Variants in TGFB3 observed in about 807,000 individuals in gnomAD.
The protein encoded by TGFB3 is transforming growth factor beta-3 proprotein.
A neutral mutation model predicts 40.1 loss-of-function variants in TGFB3; 5 were observed. That is an observed-to-expected ratio of 0.12 (90% CI 0.07 to 0.26). TGFB3 has a LOEUF of 0.26. Ranked by LOEUF, TGFB3 falls within the 10% of genes least tolerant of loss-of-function variation. The pLI is 1.00. For synonymous variants in TGFB3, 184 were observed against 205.6 expected (o/e 0.89, Z 0.90); for missense variants, 373 against 530.1 (o/e 0.70, Z 2.91).
chr14:75,963,186 TTC>T, intron 5 of TGFB3, 128 bp downstream of exon 5: 1 of 1,049,110 alleles, frequency 9.5e-7, no homozygotes, highest in Non-Finnish European at 1.5e-6. Flanking sequence ...ATTTTCAGTC[TTC>T]TTCCTGGAGA....
In TGFB3 at chr14:75,977,377, G is replaced by A. The variant is rs11466418; in HGVS notation, c.352+3165C>T. ...TCAGAGAAACTCTCTACTCCCTCCC[G>A]ACAGTAAAATCCTGGAGAATTAGAA... On this transcript the variant is annotated intron_variant, in intron 1 of 6. Coordinates refer to ENST00000238682, the MANE Select transcript of TGFB3 (RefSeq NM_003239.5). 1.2e-3 allele frequency among the ~76,000 whole-genome samples: 179 copies of A among 152,210 alleles called. No homozygotes were observed. In the Middle Eastern group the frequency reaches 0.024, roughly 20 times the overall value.
chr14:75,980,926 C>T lies in TGFB3; in HGVS notation c.-33G>A. 1 of 1,603,926 alleles carries T rather than the reference C, an allele frequency of 6.2e-7. No individual in the cohort carries two copies. The highest frequency in any genetic ancestry group is 8.5e-7 in the Non-Finnish European group (1 of 1,171,918). ...CTGGGAAGAGAGGCCAGGGGGACGG[C>T]AAGGCCTGGAGAGGAAGAGACCCCA... On this transcript the variant is annotated 5_prime_UTR_variant, in exon 1 of 7. Coordinates refer to ENST00000238682, the MANE Select transcript of TGFB3 (RefSeq NM_003239.5). The surrounding 1 kb of genome is among the most constrained non-coding windows in gnomAD (Gnocchi z 4.3).
intron 5 of TGFB3, among the ~76,000 whole-genome samples, chr14:75,961,362 C>G (rs1566678669): frequency 6.6e-6 from 1 of 152,198 alleles, no homozygotes; most frequent in Non-Finnish European, 1.5e-5. Context: ...CAAAGCAGTG[C>G]TATGAAGCGC....
chr14:75,964,011 G>C (rs894469338), intron 4 of TGFB3, among the ~76,000 whole-genome samples: 1 of 152,106 alleles, frequency 6.6e-6, no homozygotes, highest in East Asian at 1.9e-4. Flanking sequence ...CAAGTAGCTG[G>C]GATTACAGGT....
intron 3 of TGFB3, among the ~76,000 whole-genome samples, chr14:75,967,676 G>A (rs1381800644): frequency 6.6e-6 from 1 of 152,182 alleles, no homozygotes; most frequent in Non-Finnish European, 1.5e-5. Context: ...TAGAGATGAT[G>A]ACAACAATCA....
At chr14:75,959,379 GC>G in intron 6 of TGFB3, 34 bp from the exon 7 acceptor site, 1 of 1,613,014 alleles carries the variant, frequency 6.2e-7, no homozygotes, top group South Asian at 1.1e-5. Context: ...AGGTTGGAAG[GC>G]CAAGTCTCAG....
chr14:75,965,364 A>G (rs1247655541), intron 4 of TGFB3, among the ~76,000 whole-genome samples: 2 of 152,270 alleles, frequency 1.3e-5, no homozygotes, highest in Non-Finnish European at 2.9e-5. Context: ...ACTTACCAGT[A>G]CGTGTTGTCT....
At chr14:75,959,804 G>A (rs1439047391) in intron 6 of TGFB3, among the ~76,000 whole-genome samples, 2 of 151,816 alleles carry the variant, frequency 1.3e-5, no homozygotes, top group African/African-American at 2.4e-5. Flanking sequence ...TTGGAACCTG[G>A]TTTGGGTGAG....
upstream of TGFB3, among the ~76,000 whole-genome samples, chr14:75,982,151 C>T (rs1383089905): frequency 6.6e-6 from 1 of 152,238 alleles, no homozygotes; most frequent in East Asian, 1.9e-4. This position sits in a 1 kb window ranked among gnomAD's most constrained non-coding sequence, Gnocchi z 4.0. Flanking sequence ...TTGAAAAATA[C>T]TTTGCGAGTC....
At position 75,971,657 on chromosome 14, in the gene TGFB3, T is replaced by C. The variant is rs751426970; in HGVS notation, c.414A>G (p.Ser138=). The change falls in exon 2 of 7, where the codon TCA becomes TCG. Residue 138 remains serine (S), a synonymous_variant. Transcript: ENST00000238682. This position sits in a 1 kb window ranked among gnomAD's most constrained non-coding sequence, Gnocchi z 4.5. ...ATAGGTTGGTTCTATTTTTCTCCAC[T>C]GAGGACACATTGAAGCGGAAAACCT... The part of the protein sequence containing the change: ...TSKVFRFNVS[S]VEKNRTNLFR... 4 of 1,614,234 alleles carry C rather than the reference T, an allele frequency of 2.5e-6. No individual in the cohort carries two copies. The South Asian group carries it at 4.4e-5, about 18-fold the overall frequency.
intron 1 of TGFB3, among the ~76,000 whole-genome samples, chr14:75,972,467 C>T (rs906041412): frequency 6.6e-6 from 1 of 152,092 alleles, no homozygotes; most frequent in African/African-American, 2.4e-5. Flanking sequence ...TGCAGGAGCA[C>T]AGGTGAGGGG....
In TGFB3 at chr14:75,958,704, TA is replaced by T. The variant is rs199646113; in HGVS notation, c.*482del. On this transcript the variant is annotated 3_prime_UTR_variant, in exon 7 of 7. Transcript: ENST00000238682. ...GGACTTTGTCTTCGTAACCTGTCTT[TA>T]AAAAAAAAAAAAAAATGCTTGCCTT... 0.071 allele frequency: 12,307 copies of T among 173,256 alleles called. 7 individuals carry two copies. The highest frequency in any genetic ancestry group is 0.14 in the South Asian group (1,130 of 7,846). 10.7% of individuals were successfully genotyped at this position (173,256 alleles called of 1,614,324 possible). A position where few individuals can be genotyped will look rare whatever the true frequency, so the allele number is the denominator to read the frequency against.
Position 75,981,138 on chromosome 14 carries a change from C to G in TGFB3, c.-245G>C. 1.8e-6 allele frequency: 1 copy of G among 545,042 alleles called. No homozygotes were observed. Among genetic ancestry groups the G allele is most frequent in the East Asian group, 3.3e-5 (1 of 30,690 alleles). The allele number at this position is 545,042 out of a possible 1,614,324, so 33.8% of individuals were successfully genotyped here. A position where few individuals can be genotyped will look rare whatever the true frequency, so the allele number is the denominator to read the frequency against. On this transcript the variant is annotated 5_prime_UTR_variant, in exon 1 of 7. Coordinates refer to ENST00000238682, the MANE Select transcript of TGFB3 (RefSeq NM_003239.5). This position sits in a 1 kb window ranked among gnomAD's most constrained non-coding sequence, Gnocchi z 4.7. ...AGCGCTGGGATTCTTGTCCATGTGT[C>G]TAAACAGGTTTTGCTGGGCTCTGAC... is the stretch of plus-strand genomic sequence containing the variant.
At chr14:75,961,407 A>C (rs1427711967) in intron 5 of TGFB3, among the ~76,000 whole-genome samples, 1 of 152,224 alleles carries the variant, frequency 6.6e-6, no homozygotes, top group Non-Finnish European at 1.5e-5. Flanking sequence ...GTTATTAGCC[A>C]ACTCAGCTTT....
At chr14:75,975,177 G>T (rs1450620527) in intron 1 of TGFB3, among the ~76,000 whole-genome samples, 3 of 151,976 alleles carry the variant, frequency 2.0e-5, no homozygotes, top group Non-Finnish European at 4.4e-5. Context: ...AGACCAGCCT[G>T]GCCAACATGG....
chr14:75,972,097 T>A (rs970152162), intron 1 of TGFB3, among the ~76,000 whole-genome samples: 3 of 152,262 alleles, frequency 2.0e-5, no homozygotes, highest in Non-Finnish European at 4.4e-5. Flanking sequence ...TTACAGCTAG[T>A]TGATTTATTC....
At chr14:75,962,419 C>T (rs1371910895) in intron 5 of TGFB3, among the ~76,000 whole-genome samples, 1 of 152,220 alleles carries the variant, frequency 6.6e-6, no homozygotes, top group East Asian at 1.9e-4. Flanking sequence ...GTTTCCCAAG[C>T]CCAACCATCC....
rs370721422 is a variant in TGFB3 at position 75,971,100 on chromosome 14, A to G, written c.646+26T>C. ...CTAAGGGACCTGAGGTTCATTCTGA[A>G]ATGCTTATCTGAAGGGTCCACCTAC... On this transcript the variant is annotated intron_variant, in intron 3 of 6. Coordinates refer to ENST00000238682, the MANE Select transcript of TGFB3 (RefSeq NM_003239.5). The surrounding 1 kb of genome is among the most constrained non-coding windows in gnomAD (Gnocchi z 4.5). 6 of 1,613,018 alleles carry G rather than the reference A, an allele frequency of 3.7e-6. No homozygotes were observed. Among genetic ancestry groups the G allele is most frequent in the Non-Finnish European group, 5.1e-6 (6 of 1,179,840 alleles).
chr14:75,977,281 C>A (rs1025856277), intron 1 of TGFB3, among the ~76,000 whole-genome samples: 3 of 152,168 alleles, frequency 2.0e-5, no homozygotes, highest in Admixed American at 6.5e-5. Flanking sequence ...ATGACACCTA[C>A]ATTGGTGATA....
Sources: allele counts gnomAD v4.1 joint callset (sites outside exome capture counted in the v4.1 genomes callset), GRCh38; gene constraint gnomAD v4.1.1; non-coding constraint Gnocchi (gnomAD v3.1); transcripts MANE v1.5; gene names NCBI Gene and HGNC (gene_info 2026-07-23, HGNC 2026-07-21).